Variants in EXOC6B observed in about 807,000 individuals in gnomAD.
EXOC6B encodes SEC15 homolog B.
EXOC6B carries 54 observed loss-of-function variants against 113.5 expected under a neutral mutation model. The ratio of observed to expected loss-of-function variants is 0.48; its 90% confidence interval spans 0.38 to 0.60. The LOEUF (loss-of-function observed/expected upper bound fraction) is 0.60. Among genes scored for constraint, EXOC6B ranks in the 20% least tolerant of loss-of-function variants. The pLI, the probability that EXOC6B is intolerant of heterozygous loss-of-function variation, is 0.00. For synonymous variants in EXOC6B, 357 were observed against 339.0 expected, an observed-to-expected ratio of 1.05 and a Z score of -0.58; for missense variants, 797 against 977.5, an observed-to-expected ratio of 0.82 and a Z score of 2.46.
At position 72,564,228 on chromosome 2, in the gene EXOC6B, T is replaced by C. The variant is rs10182863; in HGVS notation, c.847-4707A>G. ...AATGCATTAGTACACTCCAGCCCTA[T>C]TGTTCCCACAGCTGCACCAGAAGAT... On this transcript the variant is annotated intron_variant, in intron 7 of 21. Transcript: ENST00000272427. Among the ~76,000 whole-genome samples, 1,027 of 152,240 alleles carry C rather than the reference T, an allele frequency of 6.7e-3. 14 individuals are homozygous for C. Among genetic ancestry groups the C allele is most frequent in the African/African-American group, 0.024 (993 of 41,554 alleles).
chr2:72,594,191 CG>C (rs1015993159), intron 6 of EXOC6B, among the ~76,000 whole-genome samples: 1 of 152,142 alleles, frequency 6.6e-6, no homozygotes, highest in Admixed American at 6.5e-5. Flanking sequence ...CTATGTTGCC[CG>C]GGCTGCTCTC....
intron 20 of EXOC6B, among the ~76,000 whole-genome samples, chr2:72,309,248 GA>G: frequency 6.6e-6 from 1 of 152,130 alleles, no homozygotes. Context: ...TTAGAAAGAG[GA>G]GAATGATTTG....
chr2:72,281,127 T>G (rs974393863), intron 20 of EXOC6B, among the ~76,000 whole-genome samples: 1 of 152,208 alleles, frequency 6.6e-6, no homozygotes, highest in Admixed American at 6.5e-5. Flanking sequence ...ATAGTTGGTA[T>G]GAGCAAAATG....
chr2:72,425,324 C>A (rs10175824), intron 18 of EXOC6B, among the ~76,000 whole-genome samples: 38,285 of 152,120 alleles, frequency 0.25, 9,987 homozygotes, highest in African/African-American at 0.67. Context: ...AAAATACTCT[C>A]AAGTGTCATT....
intron 19 of EXOC6B, among the ~76,000 whole-genome samples, chr2:72,372,580 TC>T (rs1691096481): frequency 6.6e-6 from 1 of 152,094 alleles, no homozygotes; most frequent in Non-Finnish European, 1.5e-5. Context: ...GCGTGGTGGC[TC>T]ACACCTGTAA....
intron 20 of EXOC6B, among the ~76,000 whole-genome samples, chr2:72,277,368 C>G (rs893610412): frequency 3.9e-5 from 6 of 152,132 alleles, no homozygotes; most frequent in Admixed American, 3.9e-4. Context: ...TCCATTCCCC[C>G]AACTTCTACC....
At chr2:72,475,815 C>A (rs1698705234) in intron 17 of EXOC6B, among the ~76,000 whole-genome samples, 1 of 152,180 alleles carries the variant, frequency 6.6e-6, no homozygotes, top group Non-Finnish European at 1.5e-5. Context: ...CCAAGTGGCA[C>A]TCTTTCCTCA....
intron 6 of EXOC6B, among the ~76,000 whole-genome samples, chr2:72,626,316 T>C (rs1231358147): frequency 6.6e-6 from 1 of 152,132 alleles, no homozygotes; most frequent in Non-Finnish European, 1.5e-5. Context: ...TAATTGTATT[T>C]GGAGTTCATC....
chr2:72,594,137 C>T (rs543474568), intron 6 of EXOC6B, among the ~76,000 whole-genome samples: 10 of 152,196 alleles, frequency 6.6e-5, no homozygotes, highest in African/African-American at 1.7e-4. Flanking sequence ...CATGCACGCA[C>T]GCCTGGCTAA....
intron 20 of EXOC6B, among the ~76,000 whole-genome samples, chr2:72,256,914 G>A (rs10181899): frequency 0.12 from 18,178 of 152,012 alleles, 1,346 homozygotes; most frequent in Admixed American, 0.16. Context: ...ATGAACACAA[G>A]GAGGCTGAAT....
At chr2:72,534,151 G>A (rs1702155695) in intron 8 of EXOC6B, among the ~76,000 whole-genome samples, 1 of 152,030 alleles carries the variant, frequency 6.6e-6, no homozygotes, top group Admixed American at 6.5e-5. Flanking sequence ...CAGCAGTGTG[G>A]GATGTTGACT....
intron 20 of EXOC6B, among the ~76,000 whole-genome samples, chr2:72,293,236 C>A (rs1480251645): frequency 2.6e-5 from 4 of 152,064 alleles, no homozygotes; most frequent in East Asian, 1.9e-4. Flanking sequence ...GCACACAGAG[C>A]TGGATATCCT....
chr2:72,503,898 T>G (rs1182110512), intron 11 of EXOC6B, among the ~76,000 whole-genome samples: 2 of 152,012 alleles, frequency 1.3e-5, no homozygotes, highest in East Asian at 1.9e-4. Context: ...CATAGGATGA[T>G]GAGCATCTTT....
chr2:72,420,329 T>C (rs6758689), intron 18 of EXOC6B, among the ~76,000 whole-genome samples: 32,827 of 152,014 alleles, frequency 0.22, 6,824 homozygotes, highest in African/African-American at 0.55. Flanking sequence ...TAGTGGATTG[T>C]GGCATCCATC....
chr2:72,706,416 C>T (rs1678882124), intron 6 of EXOC6B, among the ~76,000 whole-genome samples: 2 of 152,286 alleles, frequency 1.3e-5, no homozygotes, highest in Middle Eastern at 3.4e-3. Context: ...GTCACCCCAG[C>T]GGCAGTGCAG....
At chr2:72,711,382 T>C (rs1679263670) in intron 6 of EXOC6B, among the ~76,000 whole-genome samples, 1 of 152,182 alleles carries the variant, frequency 6.6e-6, no homozygotes, top group South Asian at 2.1e-4. Context: ...AATCTACTTC[T>C]ATGTTAAAAA....
chr2:72,180,268 C>T (rs2104195911), intron 21 of EXOC6B, among the ~76,000 whole-genome samples: 1 of 152,296 alleles, frequency 6.6e-6, no homozygotes, highest in South Asian at 2.1e-4. Context: ...GTAATTCTGG[C>T]CAGTGGTTCT....
At chr2:72,230,053 C>G (rs988794411) in intron 20 of EXOC6B, among the ~76,000 whole-genome samples, 1 of 151,624 alleles carries the variant, frequency 6.6e-6, no homozygotes, top group African/African-American at 2.4e-5. Context: ...AATGGAACAG[C>G]ACTATTTCCC....
intron 20 of EXOC6B, among the ~76,000 whole-genome samples, chr2:72,272,746 A>G (rs1684572616): frequency 6.6e-6 from 1 of 152,112 alleles, no homozygotes; most frequent in Admixed American, 6.6e-5. Flanking sequence ...GGGGAGCCCT[A>G]TGGGCTAGCC....
Sources: gnomAD v4.1 joint callset for allele counts (sites outside exome capture counted in the v4.1 genomes callset) on GRCh38, gnomAD v4.1.1 for gene constraint, MANE v1.5 for transcripts, NCBI Gene and HGNC (gene_info 2026-07-23, HGNC 2026-07-21) for gene names.